Variants in NKAIN2 observed in about 807,000 individuals in gnomAD.
NKAIN2 encodes sodium/potassium-transporting ATPase subunit beta-1-interacting protein 2.
In NKAIN2, 14 loss-of-function variants were observed where a neutral mutation model predicts 32.6. The ratio of observed to expected loss-of-function variants is 0.43; its 90% CI spans 0.28 to 0.67. NKAIN2 has a LOEUF of 0.67. Among genes scored for constraint, NKAIN2 ranks in the 30% least tolerant of loss-of-function variants. The pLI is 0.17. For synonymous variants in NKAIN2, 80 were observed against 87.2 expected, an observed-to-expected ratio of 0.92 and a Z score of 0.46; for missense variants, 198 against 258.3, an observed-to-expected ratio of 0.77 and a Z score of 1.60.
chr6:124,396,568 CTG>C (rs1165803162), intron 3 of NKAIN2, among the ~76,000 whole-genome samples: 1 of 152,006 alleles, frequency 6.6e-6, no homozygotes, highest in East Asian at 1.9e-4. Context: ...TGAGTCAGAA[CTG>C]TGATTTCAGT....
intron 3 of NKAIN2, among the ~76,000 whole-genome samples, chr6:124,511,587 C>G (rs1322887278): frequency 6.6e-6 from 1 of 152,164 alleles, no homozygotes; most frequent in Non-Finnish European, 1.5e-5. Flanking sequence ...TGCCATTTTC[C>G]TACAACCTGT....
At chr6:123,805,947 G>T (rs1773197166) in intron 1 of NKAIN2, among the ~76,000 whole-genome samples, 1 of 152,190 alleles carries the variant, frequency 6.6e-6, no homozygotes, top group South Asian at 2.1e-4. Context: ...TATGCACTAG[G>T]TCTGTATGAC....
chr6:124,466,705 A>G (rs914993155), intron 3 of NKAIN2, among the ~76,000 whole-genome samples: 2 of 151,872 alleles, frequency 1.3e-5, no homozygotes, highest in African/African-American at 2.4e-5. Flanking sequence ...TCCAAGTTAC[A>G]TATGGAGTCA....
chr6:124,410,159 G>A (rs564840976), intron 3 of NKAIN2, among the ~76,000 whole-genome samples: 1 of 151,992 alleles, frequency 6.6e-6, no homozygotes, highest in Non-Finnish European at 1.5e-5. Flanking sequence ...TGGATTCATT[G>A]ATTTTTTGAA....
At chr6:124,477,100 T>A (rs1777249096) in intron 3 of NKAIN2, among the ~76,000 whole-genome samples, 1 of 152,154 alleles carries the variant, frequency 6.6e-6, no homozygotes, top group Admixed American at 6.5e-5. Flanking sequence ...TTTCCCAAAG[T>A]ACTTAAAATG....
At chr6:123,947,236 G>A (rs1777103524) in intron 1 of NKAIN2, among the ~76,000 whole-genome samples, 1 of 152,162 alleles carries the variant, frequency 6.6e-6, no homozygotes, top group South Asian at 2.1e-4. Context: ...ATCACTAATA[G>A]ATATCAAAGT....
chr6:124,528,105 A>T (rs765082860), intron 3 of NKAIN2, among the ~76,000 whole-genome samples: 3 of 152,210 alleles, frequency 2.0e-5, no homozygotes, highest in Non-Finnish European at 4.4e-5. Flanking sequence ...TGTGAGATTC[A>T]CTTGGAGGCA....
intron 3 of NKAIN2, among the ~76,000 whole-genome samples, chr6:124,392,030 C>A (rs1194459098): frequency 1.3e-5 from 2 of 152,148 alleles, no homozygotes; most frequent in African/African-American, 4.8e-5. Flanking sequence ...AATATCTATG[C>A]TTCTTTATAC....
chr6:124,112,081 ATG>A (rs1343691401), intron 1 of NKAIN2, among the ~76,000 whole-genome samples: 2 of 152,130 alleles, frequency 1.3e-5, no homozygotes, highest in Non-Finnish European at 2.9e-5. Flanking sequence ...CTAGAATTAA[ATG>A]TGTTTTACCC....
intron 3 of NKAIN2, among the ~76,000 whole-genome samples, chr6:124,624,689 ACT>A (rs1783236470): frequency 6.6e-6 from 1 of 152,160 alleles, no homozygotes; most frequent in South Asian, 2.1e-4. Flanking sequence ...TTAGGATAAG[ACT>A]CTTAATTCTG....
chr6:124,396,213 A>T (rs1773370934), intron 3 of NKAIN2, among the ~76,000 whole-genome samples: 2 of 152,074 alleles, frequency 1.3e-5, no homozygotes, highest in Non-Finnish European at 2.9e-5. Context: ...ACATGGTAAG[A>T]TGCCATGGGC....
chr6:124,364,441 C>A (rs6926562), intron 3 of NKAIN2, among the ~76,000 whole-genome samples: 3 of 151,598 alleles, frequency 2.0e-5, no homozygotes, highest in African/African-American at 7.3e-5. Flanking sequence ...CAAGTGTAAT[C>A]GAGAAAACCA....
At chr6:124,621,903 T>C (rs1783120683) in intron 3 of NKAIN2, among the ~76,000 whole-genome samples, 1 of 152,154 alleles carries the variant, frequency 6.6e-6, no homozygotes, top group South Asian at 2.1e-4. Context: ...GCCAGGCCTG[T>C]GTCCCAGGCT....
intron 1 of NKAIN2, among the ~76,000 whole-genome samples, chr6:123,868,726 A>G (rs570867528): frequency 6.6e-6 from 1 of 152,194 alleles, no homozygotes; most frequent in Admixed American, 6.5e-5. Flanking sequence ...AAATTGCCCC[A>G]TTGGCTTCCT....
At chr6:124,460,417 G>T (rs1303204731) in intron 3 of NKAIN2, among the ~76,000 whole-genome samples, 9 of 151,642 alleles carry the variant, frequency 5.9e-5, no homozygotes, top group African/African-American at 2.2e-4. Context: ...TTTCTTAAGT[G>T]CAGGTCTGTA....
At chr6:123,867,246 T>C (rs796815708) in intron 1 of NKAIN2, among the ~76,000 whole-genome samples, 14 of 152,354 alleles carry the variant, frequency 9.2e-5, no homozygotes, top group Admixed American at 3.9e-4. Context: ...CTGTAACATA[T>C]GTAATGCCCT....
At chr6:124,285,571 T>G (rs557407167) in intron 2 of NKAIN2, among the ~76,000 whole-genome samples, 1 of 152,232 alleles carries the variant, frequency 6.6e-6, no homozygotes, top group East Asian at 1.9e-4. Flanking sequence ...CCTCCTTATC[T>G]CAAAACCAGT....
chr6:124,385,192 T>C (rs1161432725), intron 3 of NKAIN2, among the ~76,000 whole-genome samples: 1 of 152,134 alleles, frequency 6.6e-6, no homozygotes, highest in Non-Finnish European at 1.5e-5. Flanking sequence ...TAGCCAGCTA[T>C]GAGGTATAAA....
chr6:124,375,119 A>C (rs1327186197), intron 3 of NKAIN2, among the ~76,000 whole-genome samples: 1 of 151,986 alleles, frequency 6.6e-6, no homozygotes, highest in African/African-American at 2.4e-5. Flanking sequence ...AGACATGAGA[A>C]AATAAGACAA....
Sources: allele counts gnomAD v4.1 joint callset (sites outside exome capture counted in the v4.1 genomes callset), GRCh38; gene constraint gnomAD v4.1.1; transcripts MANE v1.5; gene names NCBI Gene and HGNC (gene_info 2026-07-23, HGNC 2026-07-21).